The following COL19A1 variants were observed in gnomAD, a reference collection of about 807,000 sequenced individuals.
COL19A1 encodes collagen type XIX alpha 1 chain, also known as collagen alpha-1(XIX) chain.
Under a neutral mutation model 190.2 loss-of-function variants are expected in COL19A1, and 159 were observed. That is an observed-to-expected ratio of 0.84 (90% CI 0.73 to 0.95). The LOEUF is 0.95. COL19A1 is among the 40% of genes least tolerant of loss of function. The pLI is 0.00. For synonymous variants in COL19A1, 509 were observed against 458.9 expected (o/e 1.11, Z -1.39); for missense variants, 1,418 against 1,431.9 (o/e 0.99, Z 0.16).
At chr6:69,893,083 A>G (rs1055844448) in intron 2 of COL19A1, among the ~76,000 whole-genome samples, 1 of 152,212 alleles carries the variant, frequency 6.6e-6, no homozygotes, top group African/African-American at 2.4e-5. Context: ...TTCTTCGACT[A>G]TGAAAACCCA....
At chr6:69,951,000 T>C (rs1360057946) in intron 9 of COL19A1, among the ~76,000 whole-genome samples, 1 of 151,912 alleles carries the variant, frequency 6.6e-6, no homozygotes, top group Non-Finnish European at 1.5e-5. Context: ...TGAACAAATA[T>C]AGAGCCTAAT....
intron 48 of COL19A1, among the ~76,000 whole-genome samples, chr6:70,196,063 G>A (rs1463849842): frequency 6.6e-6 from 1 of 152,194 alleles, no homozygotes; most frequent in Non-Finnish European, 1.5e-5. Context: ...GACAAGTGAA[G>A]TAGTAACCAC....
intron 12 of COL19A1, among the ~76,000 whole-genome samples, chr6:70,033,222 T>C (rs1779165555): frequency 6.6e-6 from 1 of 152,154 alleles, no homozygotes; most frequent in African/African-American, 2.4e-5. Context: ...TATCTAATTT[T>C]CTTTTGTTTC....
chr6:70,031,398 A>C (rs1428183737), intron 12 of COL19A1, among the ~76,000 whole-genome samples: 4 of 152,026 alleles, frequency 2.6e-5, no homozygotes, highest in African/African-American at 9.7e-5. Flanking sequence ...CATTGAATTT[A>C]TTCCTTCTAC....
At chr6:70,130,114 T>C in intron 17 of COL19A1, 68 bp from the exon 18 acceptor site, 1 of 1,551,822 alleles carries the variant, frequency 6.4e-7, no homozygotes. Flanking sequence ...GCTTATACTG[T>C]TACAGATTGA....
intron 11 of COL19A1, among the ~76,000 whole-genome samples, chr6:69,999,802 C>G (rs977863575): frequency 6.6e-6 from 1 of 152,078 alleles, no homozygotes; most frequent in Non-Finnish European, 1.5e-5. Flanking sequence ...AGAACAGTTA[C>G]GTTGTGTAAC....
intron 11 of COL19A1, among the ~76,000 whole-genome samples, chr6:70,003,864 C>G (rs971805886): frequency 2.0e-5 from 3 of 152,054 alleles, no homozygotes; most frequent in Non-Finnish European, 2.9e-5. Context: ...TCATTTAGCC[C>G]CTTTACATTT....
intron 47 of COL19A1, among the ~76,000 whole-genome samples, chr6:70,189,681 G>A (rs1384242811): frequency 6.6e-6 from 1 of 152,160 alleles, no homozygotes; most frequent in Non-Finnish European, 1.5e-5. Flanking sequence ...TCAACAGGTG[G>A]AAAATTCAGC....
chr6:70,010,485 G>A (rs1186355805), intron 11 of COL19A1, among the ~76,000 whole-genome samples: 11 of 142,842 alleles, frequency 7.7e-5, no homozygotes, highest in East Asian at 2.2e-4. Flanking sequence ...GAGAGTTGGC[G>A]CAGGCCAGTG....
intron 2 of COL19A1, among the ~76,000 whole-genome samples, chr6:69,888,879 T>G (rs542369867): frequency 8.5e-5 from 13 of 152,388 alleles, no homozygotes; most frequent in Admixed American, 6.5e-4. Flanking sequence ...TACCTTTTTT[T>G]GTTAACTGGT....
chr6:69,925,924 G>C (rs1267134910), intron 4 of COL19A1, among the ~76,000 whole-genome samples: 3 of 152,144 alleles, frequency 2.0e-5, no homozygotes, highest in Non-Finnish European at 2.9e-5. Flanking sequence ...TGTGATTTTT[G>C]CACATTGATT....
intron 18 of COL19A1, among the ~76,000 whole-genome samples, chr6:70,136,163 A>C (rs879392348): frequency 2.0e-5 from 3 of 152,240 alleles, no homozygotes; most frequent in Non-Finnish European, 2.9e-5. Context: ...AATTAATACA[A>C]ACATGATCTT....
chr6:69,948,507 T>C (rs1773949717), intron 9 of COL19A1, among the ~76,000 whole-genome samples: 1 of 151,776 alleles, frequency 6.6e-6, no homozygotes, highest in South Asian at 2.1e-4. Context: ...AGACTGACAA[T>C]ATAAGGACTA....
chr6:70,087,565 G>A (rs1422203192), intron 15 of COL19A1, among the ~76,000 whole-genome samples: 2 of 152,072 alleles, frequency 1.3e-5, no homozygotes, highest in African/African-American at 4.8e-5. Flanking sequence ...TCATTATAAG[G>A]AGTTCAGCTT....
At chr6:70,007,473 G>A (rs1777704137) in intron 11 of COL19A1, among the ~76,000 whole-genome samples, 1 of 151,954 alleles carries the variant, frequency 6.6e-6, no homozygotes, top group Non-Finnish European at 1.5e-5. Context: ...GACATTATTG[G>A]AGACAGGAAA....
At chr6:70,137,520 A>G (rs985941496) in intron 18 of COL19A1, among the ~76,000 whole-genome samples, 165 bp from the exon 19 acceptor site, 5 of 152,212 alleles carry the variant, frequency 3.3e-5, no homozygotes, top group African/African-American at 1.2e-4. Flanking sequence ...CAAACACATT[A>G]TCATAAAAAT....
At chr6:70,076,240 T>C (rs532192796) in intron 15 of COL19A1, among the ~76,000 whole-genome samples, 3 of 152,170 alleles carry the variant, frequency 2.0e-5, no homozygotes, top group Admixed American at 6.5e-5. Context: ...CCAGAAAACA[T>C]TGGCAATTCT....
At chr6:70,149,333 T>G (rs1176075553) in intron 27 of COL19A1, among the ~76,000 whole-genome samples, 3 of 152,156 alleles carry the variant, frequency 2.0e-5, no homozygotes. Flanking sequence ...TTCCAAGAGA[T>G]AAATGACTCA....
chr6:70,092,492 A>G (rs1202114154), intron 15 of COL19A1, among the ~76,000 whole-genome samples: 2 of 152,020 alleles, frequency 1.3e-5, no homozygotes, highest in Admixed American at 6.6e-5. Context: ...AATAAAACTT[A>G]CTCACATCTT....
Sources: allele counts gnomAD v4.1 joint callset (sites outside exome capture counted in the v4.1 genomes callset), GRCh38; gene constraint gnomAD v4.1.1; transcripts MANE v1.5; gene names NCBI Gene and HGNC (gene_info 2026-07-23, HGNC 2026-07-21).